TOR1AIP2: variants seen among roughly 807,000 people sequenced by gnomAD.
The protein encoded by TOR1AIP2 is torsin-1A-interacting protein 2.
TOR1AIP2 carries 20 observed loss-of-function variants against 32.6 expected under a neutral mutation model. That is an observed-to-expected ratio of 0.61 (90% confidence interval 0.43 to 0.89). The LOEUF is 0.89. Among genes scored for constraint, TOR1AIP2 ranks in the 40% least tolerant of loss-of-function variants. The probability of loss-of-function intolerance (pLI) is 0.00; values close to 1 mark genes in which losing one functional copy is unlikely to be tolerated. For missense variants in TOR1AIP2, 456 were observed against 553.8 expected, an observed-to-expected ratio of 0.82 and a Z score of 1.77; for synonymous variants, 214 against 210.8, an observed-to-expected ratio of 1.02 and a Z score of -0.13.
In TOR1AIP2 at chr1:179,870,071, C is replaced by T. The variant is rs1169074670; in HGVS notation, c.-565-4217G>A. ...ACACCAAAAAATACAGGATAAACTT[C>T]CAGGAGTCCTGAATCCTCTGAAATT... On this transcript the variant is annotated intron_variant, in intron 2 of 6. Transcript: ENST00000609928. Among the ~76,000 whole-genome samples, 5 of 152,126 alleles carry T rather than the reference C, an allele frequency of 3.3e-5. No homozygotes were observed. The East Asian group carries it at 7.7e-4, about 23-fold the overall frequency.
rs900138676 is a variant in TOR1AIP2, at chr1:179,865,279, A to G, written c.-147+157T>C. On this transcript the variant is annotated intron_variant, in intron 3 of 6. Coordinates refer to ENST00000609928, the MANE Select transcript of TOR1AIP2 (RefSeq NM_001199260.2). The stretch of plus-strand genomic sequence containing the variant: ...GTCCTATTACAGGTTTCGTTTACCA[A>G]TTTCTTAGTTCAACCAATATTATTT... The G allele has an allele frequency of 1.7e-5, 24 of 1,405,762 alleles. No homozygotes were observed. The East Asian group carries it at 3.5e-4, about 21-fold the overall frequency. 87.1% of individuals were successfully genotyped at this position (1,405,762 alleles called of 1,614,324 possible). A position where few individuals can be genotyped will look rare whatever the true frequency, so the allele number is the denominator to read the frequency against.
At chr1:179,847,948 G>A (rs1330556644) in intron 5 of TOR1AIP2, among the ~76,000 whole-genome samples, 2 of 150,908 alleles carry the variant, frequency 1.3e-5, no homozygotes, top group South Asian at 2.1e-4. Flanking sequence ...CAGGAGAATC[G>A]CTTGAACCTG....
At position 179,845,700 on chromosome 1, in the gene TOR1AIP2, G is replaced by T. The variant is rs144515587; in HGVS notation, c.*371C>A. 5.3e-3 allele frequency: 889 copies of T among 167,234 alleles called. 8 individuals are homozygous for T. Among genetic ancestry groups the T allele is most frequent in the South Asian group, 0.019 (101 of 5,210 alleles). 10.4% of individuals were successfully genotyped at this position (167,234 alleles called of 1,614,324 possible). A position where few individuals can be genotyped will look rare whatever the true frequency, so the allele number is the denominator to read the frequency against. ...GTCCAAGTCCAAACATTATCGAAAA[G>T]GTTCTTCAGAGTCTCACTCAAGAAA... On this transcript the variant is annotated 3_prime_UTR_variant, in exon 7 of 7. Transcript: ENST00000609928.
At chr1:179,859,101 G>A in intron 3 of TOR1AIP2, 2 of 984,960 alleles carry the variant, frequency 2.0e-6, no homozygotes, top group Non-Finnish European at 2.4e-6. Flanking sequence ...TAGGCTCTAG[G>A]GATAAAAAGA....
chr1:179,864,506 TG>T, intron 3 of TOR1AIP2: 1 of 1,133,228 alleles, frequency 8.8e-7, no homozygotes, highest in Non-Finnish European at 1.1e-6. Flanking sequence ...TTTTTAGGAG[TG>T]GTAAGTTAGT....
chr1:179,861,553 T>A, intron 3 of TOR1AIP2: 1 of 985,336 alleles, frequency 1.0e-6, no homozygotes, highest in Non-Finnish European at 1.2e-6. Context: ...ACATAGTTTA[T>A]AATGACACTG....
At chr1:179,863,711 G>A in intron 3 of TOR1AIP2, 6 of 984,184 alleles carry the variant, frequency 6.1e-6, no homozygotes, top group African/African-American at 1.8e-5. Flanking sequence ...GGATCGCAAG[G>A]GGGAAGGACA....
rs560438460 is a variant in TOR1AIP2, at chr1:179,852,125, C to G, written c.34+507G>C. On this transcript the variant is annotated intron_variant, in intron 4 of 6. Transcript: ENST00000609928. Reference sequence around the variant, plus strand: ...TGAAACCCCGTCTCTACTAAAAATACAAAAATTCACTGGGTGTGGTGGCAG... The same window carrying G: ...TGAAACCCCGTCTCTACTAAAAATAGAAAAATTCACTGGGTGTGGTGGCAG... Among the ~76,000 whole-genome samples the G allele has an allele frequency of 6.8e-4, 104 of 152,180 alleles. 1 individual carries two copies. Among genetic ancestry groups the G allele is most frequent in the African/African-American group, 2.5e-3 (103 of 41,536 alleles).
chr1:179,846,136 T>A lies in TOR1AIP2; in HGVS notation c.1348A>T (p.Ile450Phe). 1 of 1,614,234 alleles carries A rather than the reference T, an allele frequency of 6.2e-7. No individual in the cohort carries two copies. The highest frequency in any genetic ancestry group is 8.5e-7 in the Non-Finnish European group (1 of 1,180,044). Residue 450 changes from isoleucine (I) to phenylalanine (F), a missense_variant, in exon 7 of 7, where the codon ATT becomes TTT. Coordinates refer to ENST00000609928, the MANE Select transcript of TOR1AIP2 (RefSeq NM_001199260.2). ...SDKLSGLWSR[I>F]SHLVLPVQPV... ...TGGACTGGCAGTACCAGGTGTGAAATTCGGCTCCACAGCCCACTCAATTTG... is the reference window on the plus strand; with the variant it reads ...TGGACTGGCAGTACCAGGTGTGAAAATCGGCTCCACAGCCCACTCAATTTG...
At chr1:179,859,857 T>TTACTCTG in intron 3 of TOR1AIP2, 1 of 982,552 alleles carries the variant, frequency 1.0e-6, no homozygotes, top group African/African-American at 1.7e-5. Flanking sequence ...ATAAAGGGCC[T>TTACTCTG]TACTCTGTTG....
intron 3 of TOR1AIP2, chr1:179,859,654 TC>T: frequency 1.0e-6 from 1 of 985,388 alleles, no homozygotes; most frequent in Non-Finnish European, 1.2e-6. Flanking sequence ...AGCAATTATA[TC>T]TACCATAATT....
rs1696161840 is a variant in TOR1AIP2 at position 179,852,644 on chromosome 1, C to G, written c.22G>C (p.Glu8Gln). The change falls in exon 4 of 7, where the codon GAA (glutamate) becomes CAA (glutamine). Residue 8 changes from glutamate (E) to glutamine (Q), a missense_variant. Physicochemically the swap from Glu to Gln is conservative, Grantham distance 29. Transcript: ENST00000609928. MADSGLR[E>Q]PQEDSQKDLE... is the part of the protein sequence containing the mutation. ...AAATCAGTCTTACCCTCTTGAGGTTCCCTAAGTCCACTGTCGGCCATGTTT... is the reference window on the plus strand; with the variant it reads ...AAATCAGTCTTACCCTCTTGAGGTTGCCTAAGTCCACTGTCGGCCATGTTT... 2.5e-6 allele frequency: 4 copies of G among 1,614,076 alleles called. No homozygotes were observed. Among genetic ancestry groups the G allele is most frequent in the Non-Finnish European group, 3.4e-6 (4 of 1,179,976 alleles).
At chr1:179,850,749 A>G in intron 5 of TOR1AIP2, 96 bp downstream of exon 5, 1 of 1,465,032 alleles carries the variant, frequency 6.8e-7, no homozygotes. Flanking sequence ...ATGAAAGATG[A>G]CAAAAGTTCT....
chr1:179,877,570 C>T (rs1434760789), intron 1 of TOR1AIP2, 123 bp downstream of exon 1: 3 of 147,248 alleles, frequency 2.0e-5, no homozygotes, highest in African/African-American at 7.6e-5. Flanking sequence ...ATAAAAATAC[C>T]ATTTGTGCGG....
Position 179,842,968 on chromosome 1 carries a change from G to C in TOR1AIP2, c.*3103C>G, listed in dbSNP as rs1345480332. The C allele has an allele frequency of 2.0e-5, 3 of 147,612 alleles. No homozygotes were observed. Among genetic ancestry groups the C allele is most frequent in the Non-Finnish European group, 4.4e-5 (3 of 67,538 alleles). 9.1% of individuals were successfully genotyped at this position (147,612 alleles called of 1,614,324 possible). A position where few individuals can be genotyped will look rare whatever the true frequency, so the allele number is the denominator to read the frequency against. On this transcript the variant is annotated 3_prime_UTR_variant, in exon 7 of 7. Coordinates refer to ENST00000609928, the MANE Select transcript of TOR1AIP2 (RefSeq NM_001199260.2). ...GAAGGCCGAGGCAGGAGAATGGCATGAACCCAGGAGGCGGAGCTTGCAGTG... is the reference window on the plus strand; with the variant it reads ...GAAGGCCGAGGCAGGAGAATGGCATCAACCCAGGAGGCGGAGCTTGCAGTG...
At chr1:179,857,636 G>A (rs537605245) in intron 3 of TOR1AIP2, among the ~76,000 whole-genome samples, 1 of 152,260 alleles carries the variant, frequency 6.6e-6, no homozygotes, top group South Asian at 2.1e-4. Context: ...TATACCAAAT[G>A]ACTTTTTACA....
At chr1:179,872,402 TTGTC>T (rs762127142) in intron 2 of TOR1AIP2, among the ~76,000 whole-genome samples, 2 of 152,238 alleles carry the variant, frequency 1.3e-5, no homozygotes, top group African/African-American at 2.4e-5. Context: ...TAGCTATTTA[TTGTC>T]TGTCTAAAAC....
intron 5 of TOR1AIP2, among the ~76,000 whole-genome samples, chr1:179,848,817 T>G (rs1302658166): frequency 6.6e-6 from 1 of 152,184 alleles, no homozygotes; most frequent in African/African-American, 2.4e-5. Flanking sequence ...ATATTAAAGA[T>G]CTTGCCCAAG....
intron 3 of TOR1AIP2, among the ~76,000 whole-genome samples, chr1:179,857,586 T>C (rs920597719): frequency 1.3e-5 from 2 of 152,188 alleles, no homozygotes; most frequent in Admixed American, 1.3e-4. Flanking sequence ...CACCGTAAAA[T>C]GGTAAATGCT....
Sources: allele counts gnomAD v4.1 joint callset (sites outside exome capture counted in the v4.1 genomes callset), GRCh38; gene constraint gnomAD v4.1.1; transcripts MANE v1.5; gene names NCBI Gene and HGNC (gene_info 2026-07-23, HGNC 2026-07-21).